The following CNTNAP2 variants were observed in gnomAD, a reference collection of about 807,000 sequenced individuals.
CNTNAP2 encodes contactin associated protein 2, also known as contactin-associated protein-like 2.
In CNTNAP2, 98 loss-of-function variants were observed where a neutral mutation model predicts 155.2. The ratio of observed to expected loss-of-function variants is 0.63; its 90% confidence interval spans 0.54 to 0.75. The LOEUF (loss-of-function observed/expected upper bound fraction) is 0.75, where lower values mean the gene tolerates loss of function less well. Among genes scored for constraint, CNTNAP2 ranks in the 30% least tolerant of loss-of-function variants. The pLI, the probability that CNTNAP2 is intolerant of heterozygous loss-of-function variation, is 0.00. For synonymous variants in CNTNAP2, 651 were observed against 631.2 expected, an observed-to-expected ratio of 1.03 and a Z score of -0.47; for missense variants, 1,727 against 1,688.1, an observed-to-expected ratio of 1.02 and a Z score of -0.40.
chr7:146,275,798 G>T (rs1049651347), intron 1 of CNTNAP2, among the ~76,000 whole-genome samples: 1 of 152,144 alleles, frequency 6.6e-6, no homozygotes, highest in African/African-American at 2.4e-5. Context: ...TGGAGGTTTC[G>T]CATTTCCCAT....
intron 2 of CNTNAP2, among the ~76,000 whole-genome samples, chr7:146,810,300 T>G (rs1367629766): frequency 1.9e-5 from 2 of 105,100 alleles, no homozygotes; most frequent in African/African-American, 3.2e-4. Context: ...TCTAGCTTTC[T>G]TTTTTTTTTT....
rs935416074 is a variant in CNTNAP2, at chr7:147,138,108, A to T, written c.1348+5599A>T. On this transcript the variant is annotated intron_variant, in intron 8 of 23. Transcript: ENST00000361727. The stretch of plus-strand genomic sequence containing the variant: ...AATTTTTAGATTTTTGTACCTTTTG[A>T]TGGGCTTGTAGATATCTAAAAATTT... 1.3e-5 allele frequency among the ~76,000 whole-genome samples: 2 copies of T among 151,964 alleles called. 1 individual carries two copies. The highest frequency in any genetic ancestry group is 6.8e-3 in the Middle Eastern group (2 of 294).
chr7:148,203,670 G>A (rs556840841), intron 18 of CNTNAP2, among the ~76,000 whole-genome samples: 9 of 152,252 alleles, frequency 5.9e-5, no homozygotes, highest in African/African-American at 7.2e-5. Flanking sequence ...GCTTGAACCC[G>A]GTAGGCAGAG....
At chr7:147,672,995 C>A (rs755376399) in intron 13 of CNTNAP2, 4 of 152,048 alleles carry the variant, frequency 2.6e-5, no homozygotes, top group Non-Finnish European at 4.4e-5. Flanking sequence ...GAACAGCAAC[C>A]ATTACTGGAG....
chr7:147,087,605 AT>A (rs974496854), intron 4 of CNTNAP2, among the ~76,000 whole-genome samples: 1 of 152,152 alleles, frequency 6.6e-6, no homozygotes, highest in Non-Finnish European at 1.5e-5. Context: ...ACAGCATTTT[AT>A]TTTCATTCTT....
intron 1 of CNTNAP2, among the ~76,000 whole-genome samples, chr7:146,133,401 G>A (rs1441310759): frequency 6.6e-6 from 1 of 152,246 alleles, no homozygotes; most frequent in South Asian, 2.1e-4. Flanking sequence ...TTGCTGTGCA[G>A]AAGCTCTTTA....
At position 146,178,665 on chromosome 7, in the gene CNTNAP2, T is replaced by C. The variant is rs140870147; in HGVS notation, c.97+61692T>C. Among the ~76,000 whole-genome samples the C allele has an allele frequency of 3.3e-5, 5 of 152,316 alleles. No individual in the cohort carries two copies. The East Asian group carries it at 9.7e-4, about 29-fold the overall frequency. Reference sequence around the variant, plus strand: ...AATGCTAACTTTTGTAATCTTCAGGTGTCAGACGTTTAGATGAAAACAGTA... The same window carrying C: ...AATGCTAACTTTTGTAATCTTCAGGCGTCAGACGTTTAGATGAAAACAGTA... On this transcript the variant is annotated intron_variant, in intron 1 of 23. Coordinates refer to ENST00000361727, the MANE Select transcript of CNTNAP2 (RefSeq NM_014141.6).
At chr7:148,292,283 G>A (rs1338399243) in intron 21 of CNTNAP2, among the ~76,000 whole-genome samples, 1 of 152,160 alleles carries the variant, frequency 6.6e-6, no homozygotes, top group Non-Finnish European at 1.5e-5. Flanking sequence ...CTTATTGAAC[G>A]CTGTGGATTA....
chr7:146,877,383 C>T (rs1255152174), intron 3 of CNTNAP2, among the ~76,000 whole-genome samples: 3 of 151,804 alleles, frequency 2.0e-5, no homozygotes, highest in Non-Finnish European at 4.4e-5. Context: ...CATGTGCCTG[C>T]AGTCTTATCT....
At chr7:146,478,517 G>A (rs1289320005) in intron 1 of CNTNAP2, among the ~76,000 whole-genome samples, 1 of 151,908 alleles carries the variant, frequency 6.6e-6, no homozygotes, top group Non-Finnish European at 1.5e-5. Flanking sequence ...AACCCCACAT[G>A]TGGAAAGATA....
chr7:146,923,676 C>T (rs1796549740), intron 3 of CNTNAP2, among the ~76,000 whole-genome samples: 1 of 152,172 alleles, frequency 6.6e-6, no homozygotes, highest in Admixed American at 6.6e-5. Flanking sequence ...TTGTCCGCTA[C>T]TCCTGGTGGA....
At chr7:148,204,002 T>C (rs1282180145) in intron 18 of CNTNAP2, among the ~76,000 whole-genome samples, 9 of 152,212 alleles carry the variant, frequency 5.9e-5, no homozygotes, top group Admixed American at 5.9e-4. Context: ...CCAGAAACCC[T>C]GTGAGGCCTC....
intron 1 of CNTNAP2, among the ~76,000 whole-genome samples, chr7:146,741,255 A>G (rs953173508): frequency 6.6e-6 from 1 of 152,038 alleles, no homozygotes; most frequent in Non-Finnish European, 1.5e-5. Context: ...AGCCCTTGTG[A>G]CGTTATTTTT....
At chr7:146,764,644 A>G (rs1802164387) in intron 1 of CNTNAP2, among the ~76,000 whole-genome samples, 1 of 152,158 alleles carries the variant, frequency 6.6e-6, no homozygotes, top group Admixed American at 6.5e-5. Flanking sequence ...CAGCTGTTAA[A>G]TGTCCAGCAA....
intron 21 of CNTNAP2, among the ~76,000 whole-genome samples, chr7:148,285,250 C>T (rs1023547771): frequency 6.6e-6 from 1 of 152,146 alleles, no homozygotes; most frequent in Non-Finnish European, 1.5e-5. Context: ...TGTTAAAAAA[C>T]AATAAAGTGT....
At chr7:146,438,112 T>C (rs914963066) in intron 1 of CNTNAP2, among the ~76,000 whole-genome samples, 3 of 151,372 alleles carry the variant, frequency 2.0e-5, no homozygotes, top group Non-Finnish European at 4.4e-5. Flanking sequence ...CTAGCTTACA[T>C]TGGTCATATG....
intron 8 of CNTNAP2, among the ~76,000 whole-genome samples, chr7:147,203,660 C>A (rs1469626779): frequency 6.6e-6 from 1 of 152,000 alleles, no homozygotes; most frequent in South Asian, 2.1e-4. Context: ...AAGTAAATAC[C>A]TTCCAATGTT....
intron 1 of CNTNAP2, among the ~76,000 whole-genome samples, chr7:146,760,966 A>C (rs185137806): frequency 1.2e-4 from 19 of 152,322 alleles, no homozygotes; most frequent in Admixed American, 1.2e-3. Context: ...ACCTAGATTC[A>C]AACATAATAG....
chr7:147,998,952 A>G (rs1050200897), intron 15 of CNTNAP2, among the ~76,000 whole-genome samples: 1 of 152,250 alleles, frequency 6.6e-6, no homozygotes, highest in African/African-American at 2.4e-5. Context: ...ATGCCTATGT[A>G]GTTTTTTAAA....
Sources: gnomAD v4.1 joint callset for allele counts (sites outside exome capture counted in the v4.1 genomes callset) on GRCh38, gnomAD v4.1.1 for gene constraint, MANE v1.5 for transcripts, NCBI Gene and HGNC (gene_info 2026-07-23, HGNC 2026-07-21) for gene names.